The following SLC2A9 variants were observed in gnomAD, a reference collection of about 807,000 sequenced individuals.
SLC2A9 encodes the protein solute carrier family 2, facilitated glucose transporter member 9.
A neutral mutation model predicts 50.6 loss-of-function variants in SLC2A9; 39 were observed. The observed-to-expected ratio is 0.77, with a 90% CI of 0.60 to 1.01. The LOEUF is 1.01. Ranked by LOEUF, SLC2A9 falls within the 50% of genes least tolerant of loss-of-function variation. The pLI is 0.00. For synonymous variants in SLC2A9, 324 were observed against 276.9 expected (o/e 1.17, Z -1.69); for missense variants, 686 against 677.6 (o/e 1.01, Z -0.14).
At chr4:9,802,554 C>CTT (rs1560131808) in intron 3 of SLC2A9, among the ~76,000 whole-genome samples, 1 of 121,800 alleles carries the variant, frequency 8.2e-6, no homozygotes, top group African/African-American at 3.3e-5. Flanking sequence ...TTTTTTTGTT[C>CTT]TTTTCTTTTT....
At chr4:9,810,277 G>A (rs951613847) in intron 3 of SLC2A9, among the ~76,000 whole-genome samples, 1 of 151,946 alleles carries the variant, frequency 6.6e-6, no homozygotes, top group African/African-American at 2.4e-5. Context: ...TTGAATGAGT[G>A]GTGAAGAGCC....
intron 5 of SLC2A9, among the ~76,000 whole-genome samples, chr4:9,963,631 G>T (rs1254164514): frequency 1.3e-5 from 2 of 152,180 alleles, no homozygotes; most frequent in African/African-American, 2.4e-5. Flanking sequence ...AGGAGAGAGG[G>T]CCTCTCAAGA....
Position 9,826,442 on chromosome 4 carries a change from T to G in SLC2A9, c.1578A>C (p.Lys526Asn), listed in dbSNP as rs543455254. 6.2e-7 allele frequency: 1 copy of G among 1,614,088 alleles called. No homozygotes were observed. Among genetic ancestry groups the G allele is most frequent in the East Asian group, 2.2e-5 (1 of 44,866 alleles). The change falls in exon 12 of 12, where the codon AAA becomes AAC. Residue 526 changes from lysine (K) to asparagine (N), a missense_variant. Transcript: ENST00000264784. Reference sequence around the variant, plus strand: ...TACCATCAGTGACAGCTGAGTCGATTTTCTCTTCTGGTGGGTATGCTTTGT... The same window carrying G: ...TACCATCAGTGACAGCTGAGTCGATGTTCTCTTCTGGTGGGTATGCTTTGT... ...KRNKAYPPEE[K>N]IDSAVTDGKI...
At chr4:9,906,074 G>A (rs760517141) in intron 8 of SLC2A9, among the ~76,000 whole-genome samples, 4 of 152,200 alleles carry the variant, frequency 2.6e-5, no homozygotes, top group Non-Finnish European at 5.9e-5. Flanking sequence ...ACCACTTACT[G>A]GGTGTATACC....
rs149775666 is a variant in SLC2A9, at chr4:9,920,451, G to A, written c.936C>T (p.Tyr312=). 5.5e-5 allele frequency: 89 copies of A among 1,614,164 alleles called. No homozygotes were observed. Among genetic ancestry groups the A allele is most frequent in the African/African-American group, 9.3e-5 (7 of 75,060 alleles). The change falls in exon 7 of 12, where the codon TAC becomes TAT. Residue 312 remains tyrosine, a synonymous_variant. Transcript: ENST00000264784. ...VSVLELLRAP[Y]VRWQVVTVIV... is the part of the protein sequence containing the mutation. ...TCACGGTGACCACCTGCCAGCGGAC[G>A]TAGGGAGCTCTCAGCAGCTCCAGCA...
chr4:9,879,237 C>T, intron 10 of SLC2A9: 1 of 985,376 alleles, frequency 1.0e-6, no homozygotes, highest in Non-Finnish European at 1.2e-6. Flanking sequence ...CTAAGAAAGT[C>T]TCAAGATGCA....
intron 5 of SLC2A9, among the ~76,000 whole-genome samples, chr4:9,967,750 T>A (rs181232702): frequency 6.1e-4 from 93 of 152,078 alleles, no homozygotes; most frequent in Non-Finnish European, 1.0e-3. Context: ...TAACTTTACA[T>A]TAAAAAATCT....
chr4:9,925,845 T>C (rs1364595808), intron 6 of SLC2A9, among the ~76,000 whole-genome samples: 2 of 152,050 alleles, frequency 1.3e-5, no homozygotes, highest in Non-Finnish European at 2.9e-5. Flanking sequence ...GTCAACCAAA[T>C]TGCATCAGCA....
chr4:10,017,559 C>T (rs757215448), intron 2 of SLC2A9, among the ~76,000 whole-genome samples: 18 of 152,212 alleles, frequency 1.2e-4, no homozygotes, highest in Non-Finnish European at 1.9e-4. Context: ...AACTGACCTG[C>T]GCAAATAGTG....
chr4:9,873,956 A>G (rs1461591359), intron 10 of SLC2A9, among the ~76,000 whole-genome samples: 1 of 152,210 alleles, frequency 6.6e-6, no homozygotes, highest in East Asian at 1.9e-4. Context: ...TTTAAACACC[A>G]GTGTGATAAT....
intron 10 of SLC2A9, chr4:9,879,414 G>A (rs1328811500): frequency 3.0e-6 from 3 of 984,644 alleles, no homozygotes; most frequent in Non-Finnish European, 2.4e-6. Context: ...GTGCGTGTGG[G>A]GCAGGGGGCA....
intron 6 of SLC2A9, among the ~76,000 whole-genome samples, chr4:9,922,641 C>T (rs1577905635): frequency 6.6e-6 from 1 of 152,172 alleles, no homozygotes; most frequent in Non-Finnish European, 1.5e-5. Flanking sequence ...GGGGGACCTC[C>T]TGCAATGCAT....
chr4:9,985,987 C>T (rs1029473265), intron 3 of SLC2A9, among the ~76,000 whole-genome samples, 194 bp from the exon 4 acceptor site: 6 of 152,192 alleles, frequency 3.9e-5, no homozygotes, highest in Admixed American at 3.9e-4. Context: ...AGGTCACTTA[C>T]AAAGGCACCA....
intron 3 of SLC2A9, among the ~76,000 whole-genome samples, chr4:9,807,633 T>C (rs774991344): frequency 2.0e-4 from 30 of 152,198 alleles, no homozygotes; most frequent in Non-Finnish European, 3.4e-4. Flanking sequence ...AGCCACTTAC[T>C]TGGACTCTGC....
intron 2 of SLC2A9, among the ~76,000 whole-genome samples, chr4:10,001,383 C>T (rs1018421956): frequency 2.6e-5 from 4 of 152,252 alleles, no homozygotes; most frequent in African/African-American, 9.6e-5. Flanking sequence ...AGAAGATGGC[C>T]ATCTGTGAGC....
intron 10 of SLC2A9, among the ~76,000 whole-genome samples, chr4:9,850,315 C>G (rs760745224): frequency 6.6e-6 from 1 of 152,162 alleles, no homozygotes; most frequent in Non-Finnish European, 1.5e-5. Flanking sequence ...AGGACTCCAG[C>G]CTGTGTGTTG....
At chr4:10,003,453 C>T (rs1023545787) in intron 2 of SLC2A9, among the ~76,000 whole-genome samples, 8 of 152,148 alleles carry the variant, frequency 5.3e-5, no homozygotes, top group Admixed American at 2.6e-4. Flanking sequence ...CTTACTGTGA[C>T]GTTGGGAAAT....
chr4:9,783,577 G>A (rs1718821138), intron 3 of SLC2A9: 1 of 1,026,982 alleles, frequency 9.7e-7, no homozygotes, highest in Non-Finnish European at 1.4e-6. Context: ...ATGTGTTTCT[G>A]TGTAGTAGCT....
chr4:9,945,355 C>T (rs780626802), intron 5 of SLC2A9, among the ~76,000 whole-genome samples: 3 of 152,184 alleles, frequency 2.0e-5, no homozygotes, highest in Non-Finnish European at 4.4e-5. Context: ...GAATGGATGT[C>T]GGGAGTGCTG....
Sources: gnomAD v4.1 joint callset for allele counts (sites outside exome capture counted in the v4.1 genomes callset) on GRCh38, gnomAD v4.1.1 for gene constraint, MANE v1.5 for transcripts, NCBI Gene and HGNC (gene_info 2026-07-23, HGNC 2026-07-21) for gene names.